ARHGAP21: variants seen among roughly 807,000 people sequenced by gnomAD.
ARHGAP21 encodes the protein Rho GTPase activating protein 21.
In ARHGAP21, 38 loss-of-function variants were observed where a neutral mutation model predicts 164.6. The observed-to-expected ratio is 0.23, with a 90% CI of 0.18 to 0.30. ARHGAP21 has a LOEUF of 0.30. ARHGAP21 is among the 10% of genes least tolerant of loss of function. The pLI is 1.00. For missense variants in ARHGAP21, 1,822 were observed against 2,370.7 expected (o/e 0.77, Z 4.81); for synonymous variants, 766 against 857.9 (o/e 0.89, Z 1.87).
chr10:24,630,172 T>G, intron 6 of ARHGAP21, 122 bp from the exon 7 acceptor site: 1 of 499,028 alleles, frequency 2.0e-6, no homozygotes, highest in Non-Finnish European at 3.4e-6. Context: ...GGTTTTCTTA[T>G]ATCTTAATTT....
At chr10:24,601,188 T>G (rs1487614429) in intron 13 of ARHGAP21, among the ~76,000 whole-genome samples, 1 of 152,138 alleles carries the variant, frequency 6.6e-6, no homozygotes, top group African/African-American at 2.4e-5. Flanking sequence ...TGAACAAAGC[T>G]AATCAAATAA....
chr10:24,610,672 A>G (rs1422730883), intron 9 of ARHGAP21, among the ~76,000 whole-genome samples: 1 of 152,220 alleles, frequency 6.6e-6, no homozygotes, highest in Non-Finnish European at 1.5e-5. Flanking sequence ...GTATCTGAAT[A>G]GGAAACTTTC....
chr10:24,666,842 A>C (rs933284000), intron 4 of ARHGAP21, 143 bp downstream of exon 4: 10 of 536,756 alleles, frequency 1.9e-5, no homozygotes, highest in Non-Finnish European at 3.2e-5. Context: ...AGTAAAAAAC[A>C]TTTAATTCTA....
At chr10:24,674,053 A>T (rs79079268) in intron 2 of ARHGAP21, among the ~76,000 whole-genome samples, 4,595 of 152,198 alleles carry the variant, frequency 0.03, 206 homozygotes, top group African/African-American at 0.098. Context: ...AATTTTTTTT[A>T]AAAAGATAAA....
chr10:24,592,156 A>ATTTTTTTTTTTT, intron 21 of ARHGAP21, 144 bp from the exon 22 acceptor site: 1 of 205,774 alleles, frequency 4.9e-6, no homozygotes, highest in Non-Finnish European at 7.5e-6. Flanking sequence ...TTCTAGCAAG[A>ATTTTTTTTTTTT]TTTTTTTTTT....
intron 2 of ARHGAP21, among the ~76,000 whole-genome samples, chr10:24,692,836 A>C (rs1322903003): frequency 6.6e-6 from 1 of 150,556 alleles, no homozygotes; most frequent in Non-Finnish European, 1.5e-5. Context: ...CTCAAAAAAT[A>C]AAAAAAATAA....
rs1472616529 is a variant in ARHGAP21 at position 24,585,646 on chromosome 10, G to A, written c.4643C>T (p.Thr1548Ile). The stretch of plus-strand genomic sequence containing the variant: ...GGCCTGGGAAGACGTGCTGAGCAAA[G>A]TGCCAGAGTCAGAGCCTGTCTCTTC... ...HLEETGSDSG[T>I]LLSTSSQASL... The change falls in exon 26 of 26, where the codon ACT becomes ATT. Residue 1548 changes from threonine (T) to isoleucine (I), a missense_variant. Coordinates refer to ENST00000396432, the MANE Select transcript of ARHGAP21 (RefSeq NM_020824.4). 1.2e-6 allele frequency: 2 copies of A among 1,614,172 alleles called. No homozygotes were observed. Among genetic ancestry groups the A allele is most frequent in the Non-Finnish European group, 1.7e-6 (2 of 1,180,034 alleles).
At chr10:24,675,271 T>A (rs192830986) in intron 2 of ARHGAP21, among the ~76,000 whole-genome samples, 1 of 152,262 alleles carries the variant, frequency 6.6e-6, no homozygotes, top group Admixed American at 6.5e-5. Context: ...TATGTAGCAA[T>A]ATGTTAATTA....
chr10:24,647,180 A>G (rs1230704835), intron 4 of ARHGAP21, among the ~76,000 whole-genome samples: 1 of 152,222 alleles, frequency 6.6e-6, no homozygotes, highest in Non-Finnish European at 1.5e-5. Context: ...CTACTCCTAG[A>G]AATGGAACTT....
At chr10:24,678,018 T>G (rs1162682430) in intron 2 of ARHGAP21, among the ~76,000 whole-genome samples, 1 of 151,430 alleles carries the variant, frequency 6.6e-6, no homozygotes, top group Non-Finnish European at 1.5e-5. Context: ...TCCCAGCACT[T>G]AGGGAGGCAG....
chr10:24,591,545 G>A (rs913425145), intron 23 of ARHGAP21, 97 bp downstream of exon 23: 99 of 1,468,890 alleles, frequency 6.7e-5, no homozygotes, highest in East Asian at 2.0e-4. Context: ...GGCGCAAAGC[G>A]GACAATAGCA....
intron 4 of ARHGAP21, among the ~76,000 whole-genome samples, chr10:24,665,132 G>A (rs113974904): frequency 5.6e-4 from 85 of 152,118 alleles, no homozygotes; most frequent in African/African-American, 2.0e-3. Context: ...TGCCAGCTTC[G>A]TGAGTTTTCC....
At chr10:24,676,999 CGAGATCAGCCTGGCCAAA>C (rs1307373068) in intron 2 of ARHGAP21, among the ~76,000 whole-genome samples, 6 of 152,040 alleles carry the variant, frequency 3.9e-5, no homozygotes, top group African/African-American at 1.2e-4. Flanking sequence ...GTCAGGAGTT[CGAGATCAGCCTGGCCAAA>C]GAGACCAGCC....
At chr10:24,618,814 G>C (rs1021994655) in intron 9 of ARHGAP21, among the ~76,000 whole-genome samples, 2 of 152,154 alleles carry the variant, frequency 1.3e-5, no homozygotes, top group Admixed American at 6.6e-5. Context: ...GAATGGGAAG[G>C]AAACAGAGGG....
chr10:24,621,394 T>C, intron 8 of ARHGAP21, 25 bp from the exon 9 acceptor site: 2 of 1,523,268 alleles, frequency 1.3e-6, no homozygotes, highest in Non-Finnish European at 1.8e-6. Context: ...GAGGAAGGTG[T>C]CACTGGAAAT....
intron 4 of ARHGAP21, among the ~76,000 whole-genome samples, chr10:24,643,961 C>T (rs769692369): frequency 8.5e-5 from 13 of 152,108 alleles, no homozygotes; most frequent in Non-Finnish European, 1.6e-4. Flanking sequence ...CCTCCTGCCT[C>T]GGCCTCCCAC....
chr10:24,700,802 C>A (rs1843604845), intron 2 of ARHGAP21, among the ~76,000 whole-genome samples: 1 of 152,174 alleles, frequency 6.6e-6, no homozygotes, highest in South Asian at 2.1e-4. Flanking sequence ...ACCTTTAACT[C>A]TCTTTTGGCC....
intron 4 of ARHGAP21, among the ~76,000 whole-genome samples, chr10:24,651,482 T>C (rs147511031): frequency 3.3e-5 from 5 of 152,364 alleles, no homozygotes; most frequent in African/African-American, 1.2e-4. Flanking sequence ...GTTTAGTTTA[T>C]GCTTCCATCT....
At chr10:24,706,208 A>C (rs1302139409) in intron 2 of ARHGAP21, among the ~76,000 whole-genome samples, 1 of 152,204 alleles carries the variant, frequency 6.6e-6, no homozygotes, top group Non-Finnish European at 1.5e-5. Flanking sequence ...TGTTACAATT[A>C]TATTGCTTTA....
Sources: gnomAD v4.1 joint callset for allele counts (sites outside exome capture counted in the v4.1 genomes callset) on GRCh38, gnomAD v4.1.1 for gene constraint, MANE v1.5 for transcripts, NCBI Gene and HGNC (gene_info 2026-07-23, HGNC 2026-07-21) for gene names.